Variants in DYNC1H1 observed in about 807,000 individuals in gnomAD.
The protein encoded by DYNC1H1 is dynein cytoplasmic 1 heavy chain 1, also known as cytoplasmic dynein 1 heavy chain 1.
A neutral mutation model predicts 527.1 loss-of-function variants in DYNC1H1; 51 were observed. The observed-to-expected ratio is 0.10, with a 90% CI of 0.08 to 0.12. The LOEUF (loss-of-function observed/expected upper bound fraction) is 0.12, where lower values mean the gene tolerates loss of function less well. Ranked by LOEUF, DYNC1H1 falls within the 10% of genes least tolerant of loss-of-function variation. The pLI, the probability that DYNC1H1 is intolerant of heterozygous loss-of-function variation, is 1.00. For missense variants in DYNC1H1, 2,771 were observed against 5,971.8 expected, an observed-to-expected ratio of 0.46 and a Z score of 17.66; for synonymous variants, 2,189 against 2,278.8, an observed-to-expected ratio of 0.96 and a Z score of 1.12.
At chr14:102,024,658 ACTT>A (rs1182791814) in intron 43 of DYNC1H1, among the ~76,000 whole-genome samples, 2 of 147,100 alleles carry the variant, frequency 1.4e-5, no homozygotes, top group Non-Finnish European at 3.0e-5. Context: ...TTTACAGGAA[ACTT>A]CTCCCTGTGG....
Position 102,010,521 on chromosome 14 carries a change from A to G in DYNC1H1, c.6405+62A>G, listed in dbSNP as rs2048246188. 1 of 1,585,078 alleles carries G rather than the reference A, an allele frequency of 6.3e-7. No individual in the cohort carries two copies. The highest frequency in any genetic ancestry group is 1.4e-5 in the African/African-American group (1 of 73,616). On this transcript the variant is annotated intron_variant, in intron 31 of 77. Coordinates refer to ENST00000360184, the MANE Select transcript of DYNC1H1 (RefSeq NM_001376.5). The surrounding 1 kb of genome is among the most constrained non-coding windows in gnomAD (Gnocchi z 6.0). Reference sequence around the variant, plus strand: ...CGTTATTTAAATTTACCTTTTTAACATTTAAGCCATGACTTGTGAGTTCTT... The same window carrying G: ...CGTTATTTAAATTTACCTTTTTAACGTTTAAGCCATGACTTGTGAGTTCTT...
In DYNC1H1 at chr14:102,020,111, C is replaced by T. The variant is rs1314537492; in HGVS notation, c.8507+55C>T. ...CATTCTCCCCTGCTCTGAGTTCTTA[C>T]AGCTGTCGAAGCTGGGGTCTTTGCA... On this transcript the variant is annotated intron_variant, in intron 42 of 77. Transcript: ENST00000360184. This position sits in a 1 kb window ranked among gnomAD's most constrained non-coding sequence, Gnocchi z 4.3. 2 of 1,601,476 alleles carry T rather than the reference C, an allele frequency of 1.2e-6. No homozygotes were observed. The highest frequency in any genetic ancestry group is 1.3e-5 in the African/African-American group (1 of 74,616).
Position 102,044,583 on chromosome 14 carries a change from C to T in DYNC1H1, c.12903-12C>T. 1.2e-6 allele frequency: 2 copies of T among 1,614,184 alleles called. No individual in the cohort carries two copies. Among genetic ancestry groups the T allele is most frequent in the Non-Finnish European group, 1.7e-6 (2 of 1,180,036 alleles). ...ACCCCTGACATCATTTCCAAATGCA[C>T]TGGTTTTCTAGGCGAGAGGAGTTTG... On this transcript the variant is annotated splice_polypyrimidine_tract_variant and intron_variant, in intron 71 of 77. Coordinates refer to ENST00000360184, the MANE Select transcript of DYNC1H1 (RefSeq NM_001376.5). The surrounding 1 kb of genome is among the most constrained non-coding windows in gnomAD (Gnocchi z 7.1).
Position 102,011,594 on chromosome 14 carries a change from A to G in DYNC1H1, c.6619-281A>G. On this transcript the variant is annotated intron_variant, in intron 32 of 77. Transcript: ENST00000360184. The surrounding 1 kb of genome is among the most constrained non-coding windows in gnomAD (Gnocchi z 5.3). The stretch of plus-strand genomic sequence containing the variant: ...AACATCTCTCCAGCTGGGGAGTTTC[A>G]GTACTTGCCTTTAATAATCCATAGA... 2.3e-6 allele frequency: 1 copy of G among 441,180 alleles called. No homozygotes were observed. The highest frequency in any genetic ancestry group is 2.1e-5 in the South Asian group (1 of 47,396). The allele number at this position is 441,180 out of a possible 1,614,324, so 27.3% of individuals were successfully genotyped here. A position where few individuals can be genotyped will look rare whatever the true frequency, so the allele number is the denominator to read the frequency against.
chr14:102,050,753 A>G lies in DYNC1H1; in HGVS notation c.*190A>G, dbSNP rs13901. On this transcript the variant is annotated 3_prime_UTR_variant, in exon 78 of 78. Coordinates refer to ENST00000360184, the MANE Select transcript of DYNC1H1 (RefSeq NM_001376.5). ...TACCAGGAGGTATTTGGGAAGGCCA[A>G]TGGCGTGGCTCCTTTGAGGAAATAA... 15,529 of 820,188 alleles carry G rather than the reference A, an allele frequency of 0.019. 667 individuals are homozygous for G. Among genetic ancestry groups the G allele is most frequent in the African/African-American group, 0.14 (8,084 of 58,530 alleles). The allele number at this position is 820,188 out of a possible 1,614,324, so 50.8% of individuals were successfully genotyped here. A position where few individuals can be genotyped will look rare whatever the true frequency, so the allele number is the denominator to read the frequency against.
chr14:102,050,731 C>T lies in DYNC1H1; in HGVS notation c.*168C>T. 8.9e-7 allele frequency: 1 copy of T among 1,124,746 alleles called. No individual in the cohort carries two copies. 69.7% of individuals were successfully genotyped at this position (1,124,746 alleles called of 1,614,324 possible). ...GGAGTGGTGGAAATTGGAAGGATAC[C>T]AGGAGGTATTTGGGAAGGCCAATGG... On this transcript the variant is annotated 3_prime_UTR_variant, in exon 78 of 78. Transcript: ENST00000360184.
At chr14:102,032,711 G>A in intron 52 of DYNC1H1, 2 of 600,166 alleles carry the variant, frequency 3.3e-6, no homozygotes, top group Non-Finnish European at 5.9e-6. Flanking sequence ...AAATGAGCTG[G>A]GCGGGGTGGC....
Position 101,969,954 on chromosome 14 carries a change from C to CTTTTA in DYNC1H1, c.256+5007_256+5008insTTTTA, listed in dbSNP as rs2047712565. On this transcript the variant is annotated intron_variant, in intron 1 of 77. Transcript: ENST00000360184. Reference sequence around the variant, plus strand: ...ACCAAAACCCTAGGATTTTAAGACCCAGTTGGGAAAAGGATGTTCTAAGGA... The same window carrying CTTTTA: ...ACCAAAACCCTAGGATTTTAAGACCCTTTTAAGTTGGGAAAAGGATGTTCTAAGGA... 2.6e-5 allele frequency among the ~76,000 whole-genome samples: 4 copies of CTTTTA among 152,274 alleles called. No homozygotes were observed. In the South Asian group the frequency reaches 8.3e-4, roughly 32 times the overall value.
chr14:101,969,102 C>G (rs1261690377), intron 1 of DYNC1H1, among the ~76,000 whole-genome samples: 1 of 151,978 alleles, frequency 6.6e-6, no homozygotes, highest in Non-Finnish European at 1.5e-5. Context: ...ACTGAAAGCT[C>G]CGCCTCCCGG....
rs1420012349 is a variant in DYNC1H1 at position 102,040,604 on chromosome 14, G to A, written c.11872G>A (p.Gly3958Ser). 1.2e-6 allele frequency: 2 copies of A among 1,614,080 alleles called. No individual in the cohort carries two copies. The highest frequency in any genetic ancestry group is 8.5e-7 in the Non-Finnish European group (1 of 1,180,050). The change falls in exon 64 of 78, where the codon GGC (glycine) becomes AGC (serine). Residue 3958 changes from glycine to serine, a missense_variant. Around this residue, in one of 32 missense-constraint regions of DYNC1H1, gnomAD observed 120 missense variants for 161.9 expected, o/e 0.74. Coordinates refer to ENST00000360184, the MANE Select transcript of DYNC1H1 (RefSeq NM_001376.5). ...IAKVQADEQF[G>S]IWLDSSSPEQ... The stretch of plus-strand genomic sequence containing the variant: ...TCCACTATTGTCTCCACAGCAATTT[G>A]GCATCTGGCTGGACAGCAGCTCCCC...
rs1456368943 is a variant in DYNC1H1 at position 102,011,928 on chromosome 14, G to A, written c.6672G>A (p.Gly2224=). 2 of 1,614,034 alleles carry A rather than the reference G, an allele frequency of 1.2e-6. No homozygotes were observed. Among genetic ancestry groups the A allele is most frequent in the African/African-American group, 1.3e-5 (1 of 74,908 alleles). ...TQINHGLMMV[G]PSGSGKSMAW... ...TCAATCATGGCCTGATGATGGTGGG[G>A]CCCTCGGGAAGTGGGAAGAGCATGG... Residue 2224 remains glycine (G), a synonymous_variant, in exon 33 of 78, where the codon GGG becomes GGA. Coordinates refer to ENST00000360184, the MANE Select transcript of DYNC1H1 (RefSeq NM_001376.5). This position sits in a 1 kb window ranked among gnomAD's most constrained non-coding sequence, Gnocchi z 5.3.
At chr14:102,006,473 C>T (rs1389459794) in intron 27 of DYNC1H1, among the ~76,000 whole-genome samples, 1 of 151,824 alleles carries the variant, frequency 6.6e-6, no homozygotes, top group South Asian at 2.1e-4. Context: ...GACCTGGTGA[C>T]CCCCTCACCT....
intron 10 of DYNC1H1, among the ~76,000 whole-genome samples, chr14:101,990,553 T>C (rs931024906): frequency 3.3e-5 from 5 of 152,108 alleles, no homozygotes; most frequent in African/African-American, 9.7e-5. Flanking sequence ...TTTAGTAATT[T>C]AGAGAGAGAA....
chr14:102,025,016 C>A (rs1181534469), intron 43 of DYNC1H1, among the ~76,000 whole-genome samples: 1 of 150,946 alleles, frequency 6.6e-6, no homozygotes, highest in East Asian at 2.0e-4. Flanking sequence ...TTTATAAGGT[C>A]TTTTGAAGAA....
intron 1 of DYNC1H1, among the ~76,000 whole-genome samples, chr14:101,974,251 C>T (rs2047775241): frequency 6.6e-6 from 1 of 152,172 alleles, no homozygotes; most frequent in African/African-American, 2.4e-5. Flanking sequence ...AGGCATGCGC[C>T]ACCATGCCTG....
intron 1 of DYNC1H1, among the ~76,000 whole-genome samples, chr14:101,970,965 T>C (rs1172551008): frequency 2.6e-5 from 4 of 151,704 alleles, no homozygotes. Flanking sequence ...TGAGCAAGGG[T>C]GCAGGAGTTG....
intron 9 of DYNC1H1, 37 bp from the exon 10 acceptor site, chr14:101,988,666 G>A: frequency 6.2e-7 from 1 of 1,613,778 alleles, no homozygotes; most frequent in Non-Finnish European, 8.5e-7. Context: ...CTAACTTTTA[G>A]AAGAAACACT....
Position 102,033,572 on chromosome 14 carries a change from G to A in DYNC1H1, c.10413+88G>A. On this transcript the variant is annotated intron_variant, in intron 54 of 77. Coordinates refer to ENST00000360184, the MANE Select transcript of DYNC1H1 (RefSeq NM_001376.5). The surrounding 1 kb of genome is among the most constrained non-coding windows in gnomAD (Gnocchi z 5.6). ...AACATGCGCTGCATGCACCATGCTGGCCTCGGTGAATTCGCTCTTTAACAT... is the reference window on the plus strand; with the variant it reads ...AACATGCGCTGCATGCACCATGCTGACCTCGGTGAATTCGCTCTTTAACAT... The A allele has an allele frequency of 9.8e-6, 15 of 1,537,242 alleles. No individual in the cohort carries two copies. The highest frequency in any genetic ancestry group is 2.4e-5 in the East Asian group (1 of 42,110).
intron 15 of DYNC1H1, 28 bp downstream of exon 15, chr14:101,995,328 T>C: frequency 6.2e-7 from 1 of 1,613,414 alleles, no homozygotes; most frequent in Non-Finnish European, 8.5e-7. Flanking sequence ...TTAAAAATTT[T>C]TGGCTGGGCG....
Sources: gnomAD v4.1 joint callset for allele counts (sites outside exome capture counted in the v4.1 genomes callset) on GRCh38, gnomAD v4.1.1 for gene constraint, gnomAD v4.1.1 regional missense constraint, Gnocchi (gnomAD v3.1) non-coding constraint, MANE v1.5 for transcripts, NCBI Gene and HGNC (gene_info 2026-07-23, HGNC 2026-07-21) for gene names.